Variants in QKI observed in about 807,000 individuals in gnomAD.
QKI encodes the protein KH domain-containing RNA-binding protein QKI.
A neutral mutation model predicts 39.0 loss-of-function variants in QKI; 10 were observed. That is an observed-to-expected ratio of 0.26 (90% confidence interval 0.16 to 0.43). QKI has a LOEUF of 0.43. Ranked by LOEUF, QKI falls within the 20% of genes least tolerant of loss-of-function variation. QKI has a pLI of 1.00. For missense variants in QKI, 218 were observed against 428.0 expected, an observed-to-expected ratio of 0.51 and a Z score of 4.33; for synonymous variants, 204 against 155.4, an observed-to-expected ratio of 1.31 and a Z score of -2.33.
intron 1 of QKI, among the ~76,000 whole-genome samples, chr6:163,420,164 T>C (rs901784757): frequency 6.6e-6 from 1 of 150,796 alleles, no homozygotes; most frequent in African/African-American, 2.4e-5. Context: ...CTTTTTTTTT[T>C]TTTTTTTTGG....
chr6:163,470,849 G>A (rs1172358515), intron 2 of QKI, among the ~76,000 whole-genome samples: 1 of 151,974 alleles, frequency 6.6e-6, no homozygotes, highest in Non-Finnish European at 1.5e-5. Flanking sequence ...GCAGAGGGAT[G>A]GAAAAAAGTA....
At chr6:163,445,744 AG>A (rs1474139067) in intron 1 of QKI, among the ~76,000 whole-genome samples, 2 of 151,338 alleles carry the variant, frequency 1.3e-5, no homozygotes, top group African/African-American at 4.9e-5. Context: ...CCTCTTGAGT[AG>A]CTGGGACTAC....
rs1783759511 is a variant in QKI, at chr6:163,572,670, A to AGC, written c.*1960_*1961insGC. ...CGTGGCAAATCTCAAGTGACAGTGG[A>AGC]CCCCCCCCCCCGCCCAGCTTATCAA... On this transcript the variant is annotated 3_prime_UTR_variant, in exon 8 of 8. Coordinates refer to ENST00000361752, the MANE Select transcript of QKI (RefSeq NM_006775.3). 2 of 19,630 alleles carry AGC rather than the reference A, an allele frequency of 1.0e-4. No individual in the cohort carries two copies. Among genetic ancestry groups the AGC allele is most frequent in the Non-Finnish European group, 1.7e-4 (2 of 11,854 alleles). The allele number at this position is 19,630 out of a possible 1,614,324, so 1.2% of individuals were successfully genotyped here. A position where few individuals can be genotyped will look rare whatever the true frequency, so the allele number is the denominator to read the frequency against.
chr6:163,556,503 C>CAAAAAAAAAAAAAAAAAAAACAAAAAA (rs1782625158), intron 4 of QKI, among the ~76,000 whole-genome samples: 1 of 83,086 alleles, frequency 1.2e-5, no homozygotes, highest in Non-Finnish European at 2.5e-5. Context: ...AATTCCACCT[C>CAAAAAAAAAAAAAAAAAAAACAAAAAA]AAAAAAAAAA....
intron 1 of QKI, among the ~76,000 whole-genome samples, chr6:163,452,318 TC>T (rs1459571147): frequency 4.6e-5 from 7 of 152,336 alleles, no homozygotes; most frequent in Admixed American, 4.6e-4. Flanking sequence ...AGTTACCTTT[TC>T]ATTCCCATCA....
intron 1 of QKI, among the ~76,000 whole-genome samples, chr6:163,440,621 A>G (rs1253998289): frequency 6.6e-6 from 1 of 152,254 alleles, no homozygotes; most frequent in East Asian, 1.9e-4. Flanking sequence ...GAAACTCAAT[A>G]AAAGGTAAAA....
chr6:163,471,801 C>T (rs1035753374), intron 2 of QKI, among the ~76,000 whole-genome samples: 2 of 151,918 alleles, frequency 1.3e-5, no homozygotes, highest in African/African-American at 4.8e-5. Context: ...TATAAATTGG[C>T]TGTTCCTGTT....
chr6:163,514,492 C>T (rs1239008656), intron 3 of QKI, among the ~76,000 whole-genome samples: 1 of 151,760 alleles, frequency 6.6e-6, no homozygotes, highest in Admixed American at 6.6e-5. Flanking sequence ...GTAAAATTGC[C>T]CATTGGTAGT....
At chr6:163,537,738 C>T (rs1781288090) in intron 4 of QKI, among the ~76,000 whole-genome samples, 1 of 152,184 alleles carries the variant, frequency 6.6e-6, no homozygotes, top group Non-Finnish European at 1.5e-5. Context: ...CTGTCTCTCT[C>T]AGATTTGCTT....
At chr6:163,449,656 T>C (rs1000185030) in intron 1 of QKI, among the ~76,000 whole-genome samples, 4 of 152,216 alleles carry the variant, frequency 2.6e-5, no homozygotes, top group African/African-American at 9.6e-5. Context: ...TTGTTGCTTA[T>C]GATTGAGTTA....
intron 4 of QKI, among the ~76,000 whole-genome samples, chr6:163,554,553 G>A (rs960569959): frequency 6.6e-6 from 1 of 152,234 alleles, no homozygotes; most frequent in Non-Finnish European, 1.5e-5. Flanking sequence ...ATATTCAGCT[G>A]TGTACCTGAC....
At chr6:163,562,217 A>G (rs1014010240) in intron 5 of QKI, 148 bp downstream of exon 5, 5 of 439,530 alleles carry the variant, frequency 1.1e-5, no homozygotes, top group Non-Finnish European at 2.0e-5. Context: ...TGACAGTCCT[A>G]TTTTTAATGC....
In QKI at chr6:163,451,981, A is replaced by G. The variant is rs77410388; in HGVS notation, c.143-3298A>G. Among the ~76,000 whole-genome samples the G allele has an allele frequency of 7.9e-3, 1,197 of 152,304 alleles. 16 individuals are homozygous for G. The highest frequency in any genetic ancestry group is 0.027 in the African/African-American group (1,136 of 41,546). On this transcript the variant is annotated intron_variant, in intron 1 of 7. Transcript: ENST00000361752. ...CCACGACTTACAAATGGAAAGTTTT[A>G]AAGACAAAACTTTTAAAAACAGGAT...
At chr6:163,480,677 AAAT>A (rs1793010340) in intron 3 of QKI, among the ~76,000 whole-genome samples, 1 of 152,218 alleles carries the variant, frequency 6.6e-6, no homozygotes, top group African/African-American at 2.4e-5. Flanking sequence ...AATCTTAAAA[AAAT>A]GTGCATATTT....
At position 163,473,307 on chromosome 6, in the gene QKI, C is replaced by G. The variant is rs115673897; in HGVS notation, c.286-5473C>G. ...AGAGTAGAACCACGTAAGACTAACA[C>G]TGAGGCATATCATTCTCACCACTAC... On this transcript the variant is annotated intron_variant, in intron 2 of 7. Coordinates refer to ENST00000361752, the MANE Select transcript of QKI (RefSeq NM_006775.3). 2.8e-3 allele frequency among the ~76,000 whole-genome samples: 433 copies of G among 152,240 alleles called. 1 individual carries two copies. The highest frequency in any genetic ancestry group is 9.7e-3 in the African/African-American group (401 of 41,536).
At chr6:163,547,024 C>T (rs1382007316) in intron 4 of QKI, among the ~76,000 whole-genome samples, 15 of 151,636 alleles carry the variant, frequency 9.9e-5, no homozygotes, top group Admixed American at 9.2e-4. Context: ...CTGACATGGC[C>T]TCAGCTTATT....
At chr6:163,441,477 G>T (rs71569406) in intron 1 of QKI, among the ~76,000 whole-genome samples, 1 of 152,118 alleles carries the variant, frequency 6.6e-6, no homozygotes, top group African/African-American at 2.4e-5. Flanking sequence ...GGATGTAGAT[G>T]TTACAAATAT....
chr6:163,502,459 C>G (rs1778832606), intron 3 of QKI, among the ~76,000 whole-genome samples: 1 of 152,102 alleles, frequency 6.6e-6, no homozygotes, highest in African/African-American at 2.4e-5. Context: ...AATGTTGAGT[C>G]AGTAAGCACT....
chr6:163,528,044 T>C (rs374974754), intron 3 of QKI, among the ~76,000 whole-genome samples: 6 of 152,192 alleles, frequency 3.9e-5, no homozygotes, highest in Non-Finnish European at 8.8e-5. Context: ...AGATCTGTTA[T>C]ACCAGATGTT....
Sources: allele counts gnomAD v4.1 joint callset (sites outside exome capture counted in the v4.1 genomes callset), GRCh38; gene constraint gnomAD v4.1.1; transcripts MANE v1.5; gene names NCBI Gene and HGNC (gene_info 2026-07-23, HGNC 2026-07-21).